Variants in RAD52 observed in about 807,000 individuals in gnomAD.
RAD52 encodes the protein DNA repair protein RAD52 homolog.
A neutral mutation model predicts 55.5 loss-of-function variants in RAD52; 47 were observed. The ratio of observed to expected loss-of-function variants is 0.85; its 90% CI spans 0.67 to 1.08. The LOEUF (loss-of-function observed/expected upper bound fraction) is 1.08, where lower values mean the gene tolerates loss of function less well. RAD52 is among the 50% of genes least tolerant of loss of function. The pLI, the probability that RAD52 is intolerant of heterozygous loss-of-function variation, is 0.00. For synonymous variants in RAD52, 184 were observed against 198.9 expected (o/e 0.92, Z 0.63); for missense variants, 468 against 522.8 (o/e 0.90, Z 1.02).
At chr12:974,731 T>C (rs1315053510) in intron 1 of RAD52, 1 of 152,248 alleles carries the variant, frequency 6.6e-6, no homozygotes, top group African/African-American at 2.4e-5. Context: ...TGATGACCTG[T>C]GATACTCTAA....
rs367860820 is a variant in RAD52, at chr12:924,137, C to T, written c.543+1313G>A. ...AAAAATGCCTAACAAAGGCCGGGCG[C>T]GGGGGCTCACGCCTGTAATCTCAGC... is the stretch of plus-strand genomic sequence containing the variant. On this transcript the variant is annotated intron_variant, in intron 7 of 11. Transcript: ENST00000358495. Among the ~76,000 whole-genome samples the T allele has an allele frequency of 1.1e-4, 16 of 151,554 alleles. 1 individual carries two copies. Among genetic ancestry groups the T allele is most frequent in the East Asian group, 3.9e-4 (2 of 5,138 alleles).
At chr12:925,348 C>A (rs758686093) in intron 7 of RAD52, 102 bp downstream of exon 7, 62 of 955,154 alleles carry the variant, frequency 6.5e-5, no homozygotes, top group Non-Finnish European at 7.2e-5. Context: ...CTCTAAAGAG[C>A]TGAGTCCTCA....
At chr12:947,445 T>C (rs1324354530) in intron 1 of RAD52, among the ~76,000 whole-genome samples, 589 of 112,808 alleles carry the variant, frequency 5.2e-3, no homozygotes, top group Middle Eastern at 0.034. Flanking sequence ...GTCAGGAGTT[T>C]GAGACCAGCA....
At chr12:952,712 T>C (rs1249858846), upstream of RAD52, among the ~76,000 whole-genome samples, 1 of 149,808 alleles carries the variant, frequency 6.7e-6, no homozygotes. Flanking sequence ...GCCAACACGG[T>C]AAAACCCCGT....
At chr12:923,058 A>C (rs928632568) in intron 7 of RAD52, among the ~76,000 whole-genome samples, 1 of 151,840 alleles carries the variant, frequency 6.6e-6, no homozygotes, top group Non-Finnish European at 1.5e-5. Context: ...GGGTTTCACC[A>C]TGTTGGCCAG....
chr12:989,024 T>G (rs1055660051), intron 1 of RAD52, among the ~76,000 whole-genome samples: 2 of 152,150 alleles, frequency 1.3e-5, no homozygotes, highest in African/African-American at 4.8e-5. Context: ...TAAAGAATAC[T>G]TTACTCTTAG....
intron 1 of RAD52, among the ~76,000 whole-genome samples, chr12:981,675 C>G (rs747973727): frequency 6.6e-6 from 1 of 151,012 alleles, no homozygotes; most frequent in African/African-American, 2.4e-5. Context: ...GATAATCGCT[C>G]GAGCCCAGGA....
chr12:965,719 T>G (rs1958752132), intron 1 of RAD52, among the ~76,000 whole-genome samples: 1 of 152,000 alleles, frequency 6.6e-6, no homozygotes, highest in Non-Finnish European at 1.5e-5. Flanking sequence ...AGAGTCTCAC[T>G]CTATTGCCTA....
intron 1 of RAD52, among the ~76,000 whole-genome samples, chr12:939,783 G>A (rs1957824153): frequency 6.6e-6 from 1 of 152,318 alleles, no homozygotes; most frequent in Admixed American, 6.5e-5. Flanking sequence ...GAAGAGAGAA[G>A]AGGGCTGGGC....
chr12:957,633 A>G (rs1292251555), intron 1 of RAD52, among the ~76,000 whole-genome samples: 1 of 151,942 alleles, frequency 6.6e-6, no homozygotes, highest in East Asian at 1.9e-4. Flanking sequence ...TAAAAATACA[A>G]AACAATTTTA....
intron 1 of RAD52, among the ~76,000 whole-genome samples, chr12:947,288 T>G (rs59943404): frequency 0.4 from 60,838 of 151,612 alleles, 12,559 homozygotes; most frequent in Non-Finnish European, 0.46. Flanking sequence ...ATCTCGCCAC[T>G]GCAGTCCAGC....
chr12:924,264 G>A (rs1956901725), intron 7 of RAD52, among the ~76,000 whole-genome samples: 1 of 151,580 alleles, frequency 6.6e-6, no homozygotes, highest in Non-Finnish European at 1.5e-5. Flanking sequence ...ACAAAAATTA[G>A]CCAGGCGTGG....
chr12:939,948 G>A (rs983295070), intron 1 of RAD52, among the ~76,000 whole-genome samples: 3 of 152,136 alleles, frequency 2.0e-5, no homozygotes, highest in African/African-American at 2.4e-5. Context: ...GGTTGTGTGC[G>A]CCTGTAATCC....
Position 912,295 on chromosome 12 carries a change from A to T in RAD52, c.*1096T>A, listed in dbSNP as rs1298213645. On this transcript the variant is annotated 3_prime_UTR_variant, in exon 12 of 12. Transcript: ENST00000358495. The stretch of plus-strand genomic sequence containing the variant: ...GCACCAGGCATACAACAGTTTATGC[A>T]GCGACCCTAAGAGAAAAAAAAACCC... 5.0e-6 allele frequency: 1 copy of T among 198,262 alleles called. No individual in the cohort carries two copies. The highest frequency in any genetic ancestry group is 2.3e-5 in the African/African-American group (1 of 43,284). The allele number at this position is 198,262 out of a possible 1,614,324, so 12.3% of individuals were successfully genotyped here. A position where few individuals can be genotyped will look rare whatever the true frequency, so the allele number is the denominator to read the frequency against.
At chr12:967,666 G>A (rs555184566) in intron 1 of RAD52, among the ~76,000 whole-genome samples, 46 of 152,048 alleles carry the variant, frequency 3.0e-4, no homozygotes, top group African/African-American at 9.7e-4. Context: ...GTTCAGTGGC[G>A]CGACCAAAGT....
intron 6 of RAD52, 131 bp downstream of exon 6, chr12:927,014 G>T (rs1957072654): frequency 1.9e-6 from 3 of 1,544,268 alleles, no homozygotes; most frequent in Non-Finnish European, 2.6e-6. Flanking sequence ...CAGGGCAGGG[G>T]TGAGAATTAC....
intron 7 of RAD52, among the ~76,000 whole-genome samples, chr12:924,589 G>A (rs1009293026): frequency 2.0e-5 from 3 of 152,146 alleles, no homozygotes; most frequent in African/African-American, 4.8e-5. Flanking sequence ...CAGGGACCTC[G>A]GAGAGCAGAT....
chr12:914,299 G>C, intron 10 of RAD52, 132 bp downstream of exon 10: 1 of 1,379,380 alleles, frequency 7.2e-7, no homozygotes, highest in Non-Finnish European at 9.8e-7. Context: ...AGAGGAACTG[G>C]ACATATGCTA....
intron 7 of RAD52, among the ~76,000 whole-genome samples, chr12:923,542 A>G (rs1370825128): frequency 6.6e-6 from 1 of 151,168 alleles, no homozygotes; most frequent in African/African-American, 2.4e-5. Flanking sequence ...CCTGGCTGAC[A>G]GAGCAAGACC....
Sources: gnomAD v4.1 joint callset for allele counts (sites outside exome capture counted in the v4.1 genomes callset) on GRCh38, gnomAD v4.1.1 for gene constraint, MANE v1.5 for transcripts, NCBI Gene and HGNC (gene_info 2026-07-23, HGNC 2026-07-21) for gene names.